Variants in NCAPH2 observed in about 807,000 individuals in gnomAD.
The protein encoded by NCAPH2 is non-SMC condensin II complex subunit H2.
A neutral mutation model predicts 88.6 loss-of-function variants in NCAPH2; 56 were observed. The observed-to-expected ratio is 0.63, with a 90% confidence interval of 0.51 to 0.79. NCAPH2 has a LOEUF of 0.79. Ranked by LOEUF, NCAPH2 falls within the 30% of genes least tolerant of loss-of-function variation. The pLI is 0.00. For synonymous variants in NCAPH2, 378 were observed against 313.6 expected (o/e 1.21, Z -2.17); for missense variants, 794 against 792.0 (o/e 1.00, Z -0.03).
intron 7 of NCAPH2, 88 bp downstream of exon 7, chr22:50,518,366 C>G: frequency 6.5e-7 from 1 of 1,536,870 alleles, no homozygotes; most frequent in Non-Finnish European, 8.8e-7. Flanking sequence ...CTTGCCACCT[C>G]TGGTCTTGGG....
intron 1 of NCAPH2, among the ~76,000 whole-genome samples, chr22:50,510,496 T>G (rs1247283600): frequency 6.6e-6 from 1 of 151,850 alleles, no homozygotes; most frequent in Non-Finnish European, 1.5e-5. Flanking sequence ...GGCAGAATCT[T>G]GGCTCACTGC....
chr22:50,516,614 C>T, intron 2 of NCAPH2, 66 bp downstream of exon 2: 3 of 1,469,678 alleles, frequency 2.0e-6, no homozygotes, highest in Non-Finnish European at 2.8e-6. Context: ...GGCTCTCCTT[C>T]TGGGGCAGGT....
chr22:50,511,152 A>G lies in NCAPH2; in HGVS notation c.108+2707A>G, dbSNP rs557531581. ...TGAGCCACCGCGCCCAGCCAAAAAAAATTTTATTTATTTATATGTTTTTTT... is the reference window on the plus strand; with the variant it reads ...TGAGCCACCGCGCCCAGCCAAAAAAGATTTTATTTATTTATATGTTTTTTT... On this transcript the variant is annotated intron_variant, in intron 1 of 19. Coordinates refer to ENST00000420993, the MANE Select transcript of NCAPH2 (RefSeq NM_152299.4). Among the ~76,000 whole-genome samples, 883 of 140,816 alleles carry G rather than the reference A, an allele frequency of 6.3e-3. 7 individuals are homozygous for G. Among genetic ancestry groups the G allele is most frequent in the African/African-American group, 0.022 (825 of 37,608 alleles). 92.4% of individuals were successfully genotyped at this position (140,816 alleles called of 152,430 possible).
Position 50,508,263 on chromosome 22 carries a change from T to C in NCAPH2, c.-75T>C. Reference sequence around the variant, plus strand: ...GGGAACAGCAAAATGGCGCCAGAACTAGTGGCGGGCTGAGGACGCCGTACC... The same window carrying C: ...GGGAACAGCAAAATGGCGCCAGAACCAGTGGCGGGCTGAGGACGCCGTACC... On this transcript the variant is annotated 5_prime_UTR_variant, in exon 1 of 20. Coordinates refer to ENST00000420993, the MANE Select transcript of NCAPH2 (RefSeq NM_152299.4). 9.0e-7 allele frequency: 1 copy of C among 1,105,020 alleles called. No homozygotes were observed. Among genetic ancestry groups the C allele is most frequent in the Non-Finnish European group, 1.2e-6 (1 of 805,304 alleles). The allele number at this position is 1,105,020 out of a possible 1,614,324, so 68.5% of individuals were successfully genotyped here.
chr22:50,522,914 C>T lies in NCAPH2; in HGVS notation c.1519C>T (p.Gln507Ter), dbSNP rs1439009415. 6.2e-7 allele frequency: 1 copy of T among 1,613,206 alleles called. No individual in the cohort carries two copies. Among genetic ancestry groups the T allele is most frequent in the Non-Finnish European group, 8.5e-7 (1 of 1,179,980 alleles). Residue 507 changes from glutamine to a stop codon, truncating the protein, a stop_gained, in exon 18 of 20, where the codon CAG becomes TAG. Coordinates refer to ENST00000420993, the MANE Select transcript of NCAPH2 (RefSeq NM_152299.4). LOFTEE classifies it high-confidence loss of function. The stretch of plus-strand genomic sequence containing the variant: ...GGAGGACACAGTGCAGCCTCTGCTC[C>T]AGGAGCAGGTGAGGCGGGGCCGCTG... The part of the protein sequence containing the change: ...DWEDTVQPLL[Q>*]EQEQHVPFDI...
At chr22:50,519,016 A>G (rs2069006485) in intron 8 of NCAPH2, among the ~76,000 whole-genome samples, 174 bp from the exon 9 acceptor site, 1 of 152,144 alleles carries the variant, frequency 6.6e-6, no homozygotes, top group Non-Finnish European at 1.5e-5. Flanking sequence ...AAGAAATAAA[A>G]TGAACCAAGC....
chr22:50,521,085 C>G (rs925306243), intron 10 of NCAPH2, 49 bp downstream of exon 10: 1 of 1,536,722 alleles, frequency 6.5e-7, no homozygotes, highest in Middle Eastern at 2.0e-4. Context: ...TGGGCGGATT[C>G]GAGGACTGGC....
chr22:50,510,972 G>C (rs571324368), intron 1 of NCAPH2, among the ~76,000 whole-genome samples: 5 of 146,634 alleles, frequency 3.4e-5, no homozygotes, highest in South Asian at 4.3e-4. Flanking sequence ...TCAGCTTCCC[G>C]AGTAGCTGGG....
At chr22:50,509,361 C>T (rs1414654305) in intron 1 of NCAPH2, among the ~76,000 whole-genome samples, 1 of 152,130 alleles carries the variant, frequency 6.6e-6, no homozygotes, top group Non-Finnish European at 1.5e-5. Context: ...TCTCATTTAA[C>T]ATATTTAAAG....
At chr22:50,512,861 A>G (rs1239015658) in intron 1 of NCAPH2, among the ~76,000 whole-genome samples, 1 of 152,030 alleles carries the variant, frequency 6.6e-6, no homozygotes, top group Non-Finnish European at 1.5e-5. Context: ...TTCTTCTAGT[A>G]CTGTCATGAT....
chr22:50,522,014 T>G lies in NCAPH2; in HGVS notation c.1137T>G (p.Leu379=), dbSNP rs1159820440. 6.2e-7 allele frequency: 1 copy of G among 1,614,020 alleles called. No individual in the cohort carries two copies. The highest frequency in any genetic ancestry group is 1.1e-5 in the South Asian group (1 of 91,092). ...AYADHADSRR[L]RRKGPSFADM... is the part of the protein sequence containing the mutation. The stretch of plus-strand genomic sequence containing the variant: ...CAGACCATGCCGACAGCAGGCGGCT[T>G]CGGCGAAAGGGTCCGTCCTTTGCAG... The change falls in exon 13 of 20, where the codon CTT becomes CTG. Residue 379 remains leucine, a synonymous_variant. Coordinates refer to ENST00000420993, the MANE Select transcript of NCAPH2 (RefSeq NM_152299.4).
At chr22:50,510,972 G>A (rs571324368) in intron 1 of NCAPH2, among the ~76,000 whole-genome samples, 1 of 146,640 alleles carries the variant, frequency 6.8e-6, no homozygotes, top group Non-Finnish European at 1.5e-5. Context: ...TCAGCTTCCC[G>A]AGTAGCTGGG....
At chr22:50,510,351 T>A (rs1448751442) in intron 1 of NCAPH2, among the ~76,000 whole-genome samples, 1 of 152,190 alleles carries the variant, frequency 6.6e-6, no homozygotes. Flanking sequence ...TCCTCCTGCC[T>A]CAGCTTCTCA....
chr22:50,522,816 C>G lies in NCAPH2; in HGVS notation c.1426-5C>G, dbSNP rs949256944. On this transcript the variant is annotated splice_region_variant and splice_polypyrimidine_tract_variant and intron_variant, in intron 17 of 19. Coordinates refer to ENST00000420993, the MANE Select transcript of NCAPH2 (RefSeq NM_152299.4). ...AGGCAGTAGCTCCTGCTGATCCTCC[C>G]CTAGGAGCTCTTCATCGCCACCTCC... The G allele has an allele frequency of 6.2e-7, 1 of 1,612,792 alleles. No individual in the cohort carries two copies. The highest frequency in any genetic ancestry group is 8.5e-7 in the Non-Finnish European group (1 of 1,179,582).
At position 50,523,362 on chromosome 22, in the gene NCAPH2, T is replaced by C. The variant is rs2069175896; in HGVS notation, c.1805T>C (p.Met602Thr). ...KRFQTYAAPSMAQP is the reference protein window; with the variant it reads ...KRFQTYAAPSTAQP ...TTCCAGACCTACGCTGCCCCCTCCA[T>C]GGCCCAGCCCTGAGTGGGGAGCACC... is the stretch of plus-strand genomic sequence containing the variant. The change falls in exon 20 of 20, where the codon ATG (methionine) becomes ACG (threonine). Residue 602 changes from methionine to threonine, a missense_variant. Physicochemically the swap from Met to Thr is moderately conservative, Grantham distance 81. This residue lies in a region of NCAPH2 where 735 missense variants were observed against 696.3 expected (regional missense o/e 1.06). Coordinates refer to ENST00000420993, the MANE Select transcript of NCAPH2 (RefSeq NM_152299.4). 6.4e-7 allele frequency: 1 copy of C among 1,550,810 alleles called. No homozygotes were observed. Among genetic ancestry groups the C allele is most frequent in the South Asian group, 1.2e-5 (1 of 84,652 alleles).
chr22:50,512,576 G>C (rs2068815694), intron 1 of NCAPH2, among the ~76,000 whole-genome samples: 3 of 140,902 alleles, frequency 2.1e-5, no homozygotes, highest in Non-Finnish European at 4.6e-5. Context: ...TTTTAGATAG[G>C]TTCTTGCCCT....
At chr22:50,509,860 C>A (rs901603187) in intron 1 of NCAPH2, among the ~76,000 whole-genome samples, 3 of 152,160 alleles carry the variant, frequency 2.0e-5, no homozygotes, top group Non-Finnish European at 2.9e-5. Flanking sequence ...ATGGCCCCTC[C>A]AAGCTTTTTC....
At chr22:50,512,535 T>C (rs1337716293) in intron 1 of NCAPH2, among the ~76,000 whole-genome samples, 1 of 150,156 alleles carries the variant, frequency 6.7e-6, no homozygotes, top group African/African-American at 2.4e-5. Context: ...TTCTTTTTTT[T>C]GTCCTTTGTT....
Position 50,518,149 on chromosome 22 carries a change from C to T in NCAPH2, c.517C>T (p.Leu173=). 6.2e-7 allele frequency: 1 copy of T among 1,614,102 alleles called. No homozygotes were observed. The change falls in exon 7 of 20, where the codon CTG becomes TTG. Residue 173 remains leucine, a synonymous_variant. Transcript: ENST00000420993. The part of the protein sequence containing the change: ...NPLYSRQGEV[L]ASRKDFRMNT... Reference sequence around the variant, plus strand: ...CCAGCACAGCCGTCAGGGTGAGGTCCTGGCCAGCCGGAAGGATTTCAGGAT... The same window carrying T: ...CCAGCACAGCCGTCAGGGTGAGGTCTTGGCCAGCCGGAAGGATTTCAGGAT...
Sources: allele counts gnomAD v4.1 joint callset (sites outside exome capture counted in the v4.1 genomes callset), GRCh38; gene constraint gnomAD v4.1.1; regional missense constraint gnomAD v4.1.1; transcripts MANE v1.5; gene names NCBI Gene and HGNC (gene_info 2026-07-23, HGNC 2026-07-21).